The following PRKCZ variants were observed in gnomAD, a reference collection of about 807,000 sequenced individuals.
The protein encoded by PRKCZ is protein kinase C zeta type.
PRKCZ carries 33 observed loss-of-function variants against 79.5 expected under a neutral mutation model. The observed-to-expected ratio is 0.41, with a 90% confidence interval of 0.31 to 0.55. The LOEUF is 0.55. PRKCZ is among the 20% of genes least tolerant of loss of function. The pLI is 0.19. For missense variants in PRKCZ, 578 were observed against 813.5 expected (o/e 0.71, Z 3.52); for synonymous variants, 342 against 320.9 (o/e 1.07, Z -0.70).
rs201836830 is a variant in PRKCZ, at chr1:2,144,331, G to A, written c.542G>A (p.Arg181Lys). ...RCHGLVPLTC[R>K]KHMDSVMPSQ... ...CACGGCCTCGTCCCGCTGACCTGCAGGAAGCATATGGTGAGTGGCAGGGCT... is the reference window on the plus strand; with the variant it reads ...CACGGCCTCGTCCCGCTGACCTGCAAGAAGCATATGGTGAGTGGCAGGGCT... The change falls in exon 6 of 18, where the codon AGG becomes AAG. Residue 181 changes from arginine to lysine, a missense_variant. Transcript: ENST00000378567. The A allele has an allele frequency of 5.3e-5, 83 of 1,572,894 alleles. No individual in the cohort carries two copies. In the African/African-American group the frequency reaches 8.4e-4, roughly 16 times the overall value.
At chr1:2,048,783 C>T (rs1415979000), upstream of PRKCZ, among the ~76,000 whole-genome samples, 2 of 151,980 alleles carry the variant, frequency 1.3e-5, no homozygotes, top group South Asian at 4.2e-4. Flanking sequence ...ACCAGGAGGG[C>T]GAGGGATGGG....
intron 5 of PRKCZ, among the ~76,000 whole-genome samples, chr1:2,136,396 A>T (rs1423129196): frequency 2.0e-5 from 3 of 152,160 alleles, no homozygotes; most frequent in Non-Finnish European, 4.4e-5. Context: ...CCAGGAGATG[A>T]GCAGGTCAGC....
chr1:2,062,054 C>T lies in PRKCZ; in HGVS notation c.334+2463C>T, dbSNP rs547284915. Among the ~76,000 whole-genome samples, 16 of 152,266 alleles carry T rather than the reference C, an allele frequency of 1.1e-4. No individual in the cohort carries two copies. In the East Asian group the frequency reaches 2.5e-3, roughly 24 times the overall value. On this transcript the variant is annotated intron_variant, in intron 4 of 17. Transcript: ENST00000378567. ...GACGAGGGCAGGACTGCGGCTGTAC[C>T]GTGGGCCTGGTTCAGACGGCTGGAC... is the stretch of plus-strand genomic sequence containing the variant.
At chr1:2,107,528 T>C (rs938883117) in intron 4 of PRKCZ, among the ~76,000 whole-genome samples, 1 of 152,194 alleles carries the variant, frequency 6.6e-6, no homozygotes, top group South Asian at 2.1e-4. Context: ...CATTTTACTT[T>C]TGTGCTGGGG....
At chr1:2,070,954 C>T (rs1325871111) in intron 4 of PRKCZ, among the ~76,000 whole-genome samples, 20 of 151,926 alleles carry the variant, frequency 1.3e-4, no homozygotes, top group Admixed American at 1.2e-3. Context: ...TAGCCTAGGG[C>T]AGAGAGGGGT....
At chr1:2,176,042 T>C (rs1685436468) in intron 16 of PRKCZ, among the ~76,000 whole-genome samples, 1 of 152,030 alleles carries the variant, frequency 6.6e-6, no homozygotes, top group African/African-American at 2.4e-5. Flanking sequence ...GCGTCGGGTA[T>C]TGAAGGAGAG....
intron 1 of PRKCZ, among the ~76,000 whole-genome samples, chr1:2,052,569 C>G (rs1056308389): frequency 2.0e-5 from 3 of 151,984 alleles, no homozygotes; most frequent in African/African-American, 7.3e-5. Context: ...TCCTACCATT[C>G]CTTCTCTCCT....
chr1:2,142,807 G>A (rs1240525216), intron 5 of PRKCZ: 1 of 153,636 alleles, frequency 6.5e-6, no homozygotes, highest in Non-Finnish European at 1.5e-5. Context: ...GTGTGGGCGG[G>A]GGGAGGGTCC....
intron 4 of PRKCZ, among the ~76,000 whole-genome samples, chr1:2,107,970 CCAGA>C (rs946570978): frequency 2.0e-5 from 3 of 150,436 alleles, no homozygotes; most frequent in Admixed American, 6.6e-5. Context: ...AAGGGAGCCC[CCAGA>C]CAGTGTCAAG....
intron 4 of PRKCZ, among the ~76,000 whole-genome samples, chr1:2,115,587 C>T (rs978791767): frequency 5.3e-5 from 8 of 152,202 alleles, no homozygotes; most frequent in Non-Finnish European, 1.0e-4. Context: ...ACAAGCCTGC[C>T]CCTACTTGAG....
chr1:2,088,159 G>A (rs1664866456), intron 4 of PRKCZ, among the ~76,000 whole-genome samples: 1 of 152,178 alleles, frequency 6.6e-6, no homozygotes, highest in African/African-American at 2.4e-5. Flanking sequence ...CCACTCAGCA[G>A]TGTCCTCACC....
At chr1:2,157,502 C>T (rs1681300065) in intron 10 of PRKCZ, among the ~76,000 whole-genome samples, 1 of 152,060 alleles carries the variant, frequency 6.6e-6, no homozygotes, top group South Asian at 2.1e-4. Context: ...ACTGCAGTCA[C>T]CACCTCCTGG....
intron 4 of PRKCZ, among the ~76,000 whole-genome samples, chr1:2,085,643 ACG>A (rs1664370633): frequency 4.8e-5 from 7 of 146,832 alleles, no homozygotes; most frequent in African/African-American, 1.8e-4. Flanking sequence ...GGGGCTGAGG[ACG>A]TCGGGGGGCC....
chr1:2,099,555 A>T (rs1390140044), intron 4 of PRKCZ, among the ~76,000 whole-genome samples: 1 of 152,072 alleles, frequency 6.6e-6, no homozygotes, highest in Non-Finnish European at 1.5e-5. Context: ...CTTCCAGATG[A>T]GGCTCACAGG....
At chr1:2,129,132 C>G (rs1274536129) in intron 4 of PRKCZ, among the ~76,000 whole-genome samples, 3 of 152,128 alleles carry the variant, frequency 2.0e-5, no homozygotes, top group African/African-American at 7.2e-5. Flanking sequence ...TGTCCAGGCC[C>G]CTTACACTGA....
Position 2,149,001 on chromosome 1 carries a change from G to A in PRKCZ, c.687+77G>A. On this transcript the variant is annotated intron_variant, in intron 8 of 17. Transcript: ENST00000378567. This position sits in a 1 kb window ranked among gnomAD's most constrained non-coding sequence, Gnocchi z 4.1. The stretch of plus-strand genomic sequence containing the variant: ...GTGAGCCTGTCTCTGGGGTAGTCAC[G>A]GAAATCTAGATGTGAAATAGACATG... The A allele has an allele frequency of 1.5e-5, 22 of 1,479,758 alleles. No homozygotes were observed. Among genetic ancestry groups the A allele is most frequent in the Middle Eastern group, 1.7e-4 (1 of 5,812 alleles). The allele number at this position is 1,479,758 out of a possible 1,614,324, so 91.7% of individuals were successfully genotyped here.
Position 2,172,447 on chromosome 1 carries a change from C to A in PRKCZ, c.1285+59C>A. On this transcript the variant is annotated intron_variant, in intron 13 of 17. Coordinates refer to ENST00000378567, the MANE Select transcript of PRKCZ (RefSeq NM_002744.6). This position sits in a 1 kb window ranked among gnomAD's most constrained non-coding sequence, Gnocchi z 7.8. ...CACAGGGCCAGAGATGGCTTCGGGCCTGGCCCAGCAGCCAGGGAGAGGTGT... is the reference window on the plus strand; with the variant it reads ...CACAGGGCCAGAGATGGCTTCGGGCATGGCCCAGCAGCCAGGGAGAGGTGT... 6.5e-7 allele frequency: 1 copy of A among 1,535,576 alleles called. No homozygotes were observed. The highest frequency in any genetic ancestry group is 8.8e-7 in the Non-Finnish European group (1 of 1,133,402).
intron 10 of PRKCZ, chr1:2,156,737 G>T (rs1175007932): frequency 6.6e-6 from 1 of 152,440 alleles, no homozygotes; most frequent in Non-Finnish European, 1.5e-5. Context: ...GAAGAAACCA[G>T]TCACAAGCTC....
chr1:2,159,505 G>C (rs1681802286), intron 10 of PRKCZ, among the ~76,000 whole-genome samples: 1 of 152,250 alleles, frequency 6.6e-6, no homozygotes, highest in African/African-American at 2.4e-5. Context: ...TATCCAGGGG[G>C]AACCTGGCCG....
Sources: gnomAD v4.1 joint callset for allele counts (sites outside exome capture counted in the v4.1 genomes callset) on GRCh38, gnomAD v4.1.1 for gene constraint, Gnocchi (gnomAD v3.1) non-coding constraint, MANE v1.5 for transcripts, NCBI Gene and HGNC (gene_info 2026-07-23, HGNC 2026-07-21) for gene names.